The following ABHD17C variants were observed in gnomAD, a reference collection of about 807,000 sequenced individuals.
ABHD17C encodes the protein alpha/beta hydrolase domain-containing protein 17C.
A neutral mutation model predicts 27.9 loss-of-function variants in ABHD17C; 11 were observed. The observed-to-expected ratio is 0.39, with a 90% CI of 0.25 to 0.65. The LOEUF (loss-of-function observed/expected upper bound fraction) is 0.65. Among genes scored for constraint, ABHD17C ranks in the 30% least tolerant of loss-of-function variants. The probability of loss-of-function intolerance (pLI) is 0.45; values close to 1 mark genes in which losing one functional copy is unlikely to be tolerated. For synonymous variants in ABHD17C, 233 were observed against 209.1 expected, an observed-to-expected ratio of 1.11 and a Z score of -0.98; for missense variants, 280 against 470.2, an observed-to-expected ratio of 0.60 and a Z score of 3.74.
intron 1 of ABHD17C, among the ~76,000 whole-genome samples, chr15:80,713,910 A>C (rs1290734866): frequency 6.9e-6 from 1 of 145,728 alleles, no homozygotes; most frequent in Non-Finnish European, 1.5e-5. Context: ...CCACACACAC[A>C]CACACACACA....
chr15:80,716,759 A>T (rs1271996549), intron 1 of ABHD17C, among the ~76,000 whole-genome samples: 2 of 152,326 alleles, frequency 1.3e-5, no homozygotes, highest in Non-Finnish European at 2.9e-5. Flanking sequence ...GGTGAAGTAG[A>T]TTAAATTATT....
chr15:80,726,757 C>T (rs1894985629), intron 1 of ABHD17C, among the ~76,000 whole-genome samples: 1 of 151,988 alleles, frequency 6.6e-6, no homozygotes, highest in Admixed American at 6.6e-5. Context: ...GATCTCCTGA[C>T]CTTGTGATCC....
intron 1 of ABHD17C, among the ~76,000 whole-genome samples, chr15:80,727,450 AT>A (rs1428935934): frequency 6.6e-6 from 1 of 152,226 alleles, no homozygotes; most frequent in Non-Finnish European, 1.5e-5. Context: ...GAAGGTTTGA[AT>A]AGTCCAGATT....
chr15:80,703,887 G>GT (rs1457981239), intron 1 of ABHD17C, among the ~76,000 whole-genome samples: 1 of 152,156 alleles, frequency 6.6e-6, no homozygotes, highest in Non-Finnish European at 1.5e-5. Context: ...TTTACATTAT[G>GT]TTTTTTCCTA....
intron 1 of ABHD17C, among the ~76,000 whole-genome samples, chr15:80,730,012 A>G (rs1040048216): frequency 1.3e-5 from 2 of 152,102 alleles, no homozygotes; most frequent in Non-Finnish European, 2.9e-5. Flanking sequence ...CCAGCCACTC[A>G]GGAGGCTGAG....
At chr15:80,741,468 G>C (rs1895210291) in intron 1 of ABHD17C, among the ~76,000 whole-genome samples, 2 of 151,056 alleles carry the variant, frequency 1.3e-5, no homozygotes, top group Non-Finnish European at 2.9e-5. Context: ...TTCACTTAAA[G>C]GAAGCCCTGT....
At position 80,754,578 on chromosome 15, in the gene ABHD17C, G is replaced by T. The variant is rs534899820; in HGVS notation, c.*208G>T. Reference sequence around the variant, plus strand: ...ACACAACACGTTAAACTGAACAGTCGTGATTCCCAGCTTCATTACCTTGCA... The same window carrying T: ...ACACAACACGTTAAACTGAACAGTCTTGATTCCCAGCTTCATTACCTTGCA... On this transcript the variant is annotated 3_prime_UTR_variant, in exon 3 of 3. Coordinates refer to ENST00000258884, the MANE Select transcript of ABHD17C (RefSeq NM_021214.2). 3.5e-4 allele frequency: 187 copies of T among 537,526 alleles called. No individual in the cohort carries two copies. Among genetic ancestry groups the T allele is most frequent in the Middle Eastern group, 2.0e-3 (4 of 2,010 alleles). 33.3% of individuals were successfully genotyped at this position (537,526 alleles called of 1,614,324 possible). A position where few individuals can be genotyped will look rare whatever the true frequency, so the allele number is the denominator to read the frequency against.
chr15:80,698,355 C>G (rs1485873886), intron 1 of ABHD17C, among the ~76,000 whole-genome samples: 1 of 151,994 alleles, frequency 6.6e-6, no homozygotes, highest in Non-Finnish European at 1.5e-5. Flanking sequence ...TGAGCCACCG[C>G]GCCTGGCCTA....
intron 1 of ABHD17C, among the ~76,000 whole-genome samples, chr15:80,737,598 C>T (rs1312393359): frequency 6.6e-6 from 1 of 152,154 alleles, no homozygotes; most frequent in Non-Finnish European, 1.5e-5. Context: ...AAGTGTAGGG[C>T]ATGCCACGGT....
intron 1 of ABHD17C, among the ~76,000 whole-genome samples, chr15:80,735,097 C>G (rs1895111269): frequency 6.6e-6 from 1 of 152,164 alleles, no homozygotes; most frequent in Non-Finnish European, 1.5e-5. Context: ...TTGTCTTCCT[C>G]TGCACTGTGG....
intron 1 of ABHD17C, among the ~76,000 whole-genome samples, chr15:80,738,436 C>T (rs1895163541): frequency 6.6e-6 from 1 of 152,146 alleles, no homozygotes; most frequent in African/African-American, 2.4e-5. Flanking sequence ...AGATGTTCAT[C>T]ATTGGGCAAA....
At chr15:80,744,106 TC>T (rs1182896921) in intron 1 of ABHD17C, among the ~76,000 whole-genome samples, 1 of 151,612 alleles carries the variant, frequency 6.6e-6, no homozygotes. Flanking sequence ...GTCTCTTTTT[TC>T]CCCCCTCTGT....
intron 1 of ABHD17C, among the ~76,000 whole-genome samples, chr15:80,740,400 G>A (rs1032167834): frequency 6.6e-6 from 1 of 152,082 alleles, no homozygotes; most frequent in African/African-American, 2.4e-5. Context: ...ATGGGCCCGT[G>A]GTTTCAGTAG....
intron 1 of ABHD17C, among the ~76,000 whole-genome samples, chr15:80,709,948 A>G (rs966680766): frequency 1.3e-5 from 2 of 152,220 alleles, no homozygotes; most frequent in African/African-American, 4.8e-5. Context: ...GCTTTGTTTC[A>G]TAAGTGCCCA....
At chr15:80,709,560 T>C (rs1894701686) in intron 1 of ABHD17C, among the ~76,000 whole-genome samples, 1 of 152,078 alleles carries the variant, frequency 6.6e-6, no homozygotes, top group African/African-American at 2.4e-5. Flanking sequence ...CAGGATATAG[T>C]TGCATACTCC....
intron 1 of ABHD17C, among the ~76,000 whole-genome samples, chr15:80,741,370 T>G (rs1895207067): frequency 6.6e-6 from 1 of 152,202 alleles, no homozygotes; most frequent in Admixed American, 6.5e-5. Flanking sequence ...TTCTTCGTAA[T>G]TTCACAATTA....
At chr15:80,745,675 A>G (rs1895272920) in intron 1 of ABHD17C, among the ~76,000 whole-genome samples, 1 of 152,154 alleles carries the variant, frequency 6.6e-6, no homozygotes, top group Non-Finnish European at 1.5e-5. Flanking sequence ...CCTTAACAGC[A>G]TGACTTTAAG....
In ABHD17C at chr15:80,705,333, T is replaced by TTTGTGTGTGTGTGTGTGTGTG. The variant is rs10523879; in HGVS notation, c.590+9315_590+9316insTGTGTGTGTGTGTGTGTGTGT. Reference sequence around the variant, plus strand: ...CCTGCAGTTCTGAGCTTCCTATGATTTGTGTGTGTGTGTGTGTGTGTGTGT... The same window carrying TTTGTGTGTGTGTGTGTGTGTG: ...CCTGCAGTTCTGAGCTTCCTATGATTTTGTGTGTGTGTGTGTGTGTGTGTGTGTGTGTGTGTGTGTGTGTGT... On this transcript the variant is annotated intron_variant, in intron 1 of 2. Coordinates refer to ENST00000258884, the MANE Select transcript of ABHD17C (RefSeq NM_021214.2). Among the ~76,000 whole-genome samples, 835 of 106,866 alleles carry TTTGTGTGTGTGTGTGTGTGTG rather than the reference T, an allele frequency of 7.8e-3. 15 individuals carry two copies. Among genetic ancestry groups the TTTGTGTGTGTGTGTGTGTGTG allele is most frequent in the East Asian group, 0.017 (61 of 3,670 alleles). 70.1% of individuals were successfully genotyped at this position (106,866 alleles called of 152,430 possible).
intron 1 of ABHD17C, among the ~76,000 whole-genome samples, chr15:80,721,541 A>G (rs1894897504): frequency 6.6e-6 from 1 of 152,208 alleles, no homozygotes; most frequent in Admixed American, 6.5e-5. Context: ...CATTTAGTAC[A>G]TGTACTTTTA....
Sources: allele counts gnomAD v4.1 joint callset (sites outside exome capture counted in the v4.1 genomes callset), GRCh38; gene constraint gnomAD v4.1.1; transcripts MANE v1.5; gene names NCBI Gene and HGNC (gene_info 2026-07-23, HGNC 2026-07-21).